GPHN: variants seen among roughly 807,000 people sequenced by gnomAD.
GPHN encodes the protein gephyrin.
GPHN carries 17 observed loss-of-function variants against 95.5 expected under a neutral mutation model. That is an observed-to-expected ratio of 0.18 (90% CI 0.12 to 0.27). GPHN has a LOEUF of 0.27. Ranked by LOEUF, GPHN falls within the 10% of genes least tolerant of loss-of-function variation. GPHN has a pLI of 1.00. For synonymous variants in GPHN, 320 were observed against 322.5 expected, an observed-to-expected ratio of 0.99 and a Z score of 0.08; for missense variants, 660 against 978.1, an observed-to-expected ratio of 0.67 and a Z score of 4.34.
the GPHN span, among the ~76,000 whole-genome samples, chr14:67,400,112 G>T: frequency 1.3e-5 from 2 of 152,202 alleles, no homozygotes; most frequent in Non-Finnish European, 2.9e-5. Flanking sequence ...AGAGCCAAAA[G>T]TTGTAGAAGG....
At chr14:66,844,681 C>A (rs537907807) in intron 4 of GPHN, among the ~76,000 whole-genome samples, 202 of 152,076 alleles carry the variant, frequency 1.3e-3, no homozygotes, top group Non-Finnish European at 2.3e-3. Context: ...AAAGGATGCT[C>A]TAGGGAAGTT....
At chr14:67,684,771 A>G in the GPHN span, 1 of 328,206 alleles carries the variant, frequency 3.0e-6, no homozygotes, top group Admixed American at 4.7e-5. Context: ...CTGGACTGAC[A>G]TAACAAAGAC....
At chr14:67,671,475 G>A in the GPHN span, among the ~76,000 whole-genome samples, 1 of 152,050 alleles carries the variant, frequency 6.6e-6, no homozygotes, top group Admixed American at 6.6e-5. Flanking sequence ...GCAGTGAGCT[G>A]AGATTGTACC....
chr14:67,166,662 T>TTTTGTTTG (rs113684530), intron 20 of GPHN, among the ~76,000 whole-genome samples: 3,739 of 152,140 alleles, frequency 0.025, 68 homozygotes, highest in Non-Finnish European at 0.036. Flanking sequence ...GTTTTGTGTT[T>TTTTGTTTG]TTTGTTTGTT....
At chr14:67,122,974 G>A (rs1567364832) in intron 17 of GPHN, among the ~76,000 whole-genome samples, 1 of 152,138 alleles carries the variant, frequency 6.6e-6, no homozygotes, top group Non-Finnish European at 1.5e-5. Flanking sequence ...TGAATCTCCA[G>A]TGCTGTCTCA....
chr14:67,319,831 G>A, the GPHN span, among the ~76,000 whole-genome samples: 12 of 152,270 alleles, frequency 7.9e-5, no homozygotes, highest in East Asian at 3.9e-4. Flanking sequence ...TGTATTCAGC[G>A]TATACATTAT....
intron 2 of GPHN, among the ~76,000 whole-genome samples, chr14:66,720,012 A>G (rs1046585898): frequency 1.3e-5 from 2 of 152,190 alleles, no homozygotes; most frequent in Non-Finnish European, 2.9e-5. Flanking sequence ...GCAGTAATCT[A>G]GAAGGTTATT....
At chr14:66,972,792 TGAG>T (rs1199974762) in intron 9 of GPHN, among the ~76,000 whole-genome samples, 2 of 152,086 alleles carry the variant, frequency 1.3e-5, no homozygotes, top group African/African-American at 2.4e-5. Context: ...ACTATGTCAT[TGAG>T]GACAGTATTT....
At chr14:66,704,100 A>G (rs2068833865) in intron 2 of GPHN, among the ~76,000 whole-genome samples, 1 of 152,218 alleles carries the variant, frequency 6.6e-6, no homozygotes, top group Non-Finnish European at 1.5e-5. Flanking sequence ...TAAAGGGACC[A>G]ATTCAACAAG....
At chr14:66,646,596 A>G (rs1238829752) in intron 1 of GPHN, among the ~76,000 whole-genome samples, 1 of 152,162 alleles carries the variant, frequency 6.6e-6, no homozygotes, top group Non-Finnish European at 1.5e-5. Flanking sequence ...ATATATCTTG[A>G]GGGCGTTATT....
intron 8 of GPHN, among the ~76,000 whole-genome samples, chr14:66,933,844 T>C (rs544414483): frequency 1.1e-4 from 16 of 152,164 alleles, no homozygotes; most frequent in Admixed American, 3.9e-4. Context: ...CCATAAAAAG[T>C]TCACAGTCTA....
At chr14:67,030,782 A>G (rs1266308869) in intron 10 of GPHN, among the ~76,000 whole-genome samples, 1 of 152,078 alleles carries the variant, frequency 6.6e-6, no homozygotes, top group African/African-American at 2.4e-5. Flanking sequence ...GACCTCATCT[A>G]TCTTGTTCCC....
the GPHN span, among the ~76,000 whole-genome samples, chr14:67,269,521 A>G: frequency 2.6e-5 from 4 of 152,150 alleles, no homozygotes; most frequent in Admixed American, 2.6e-4. Context: ...AAATTTTTAA[A>G]TTGATGTCCA....
the GPHN span, among the ~76,000 whole-genome samples, chr14:67,721,193 G>A: frequency 6.6e-6 from 1 of 152,168 alleles, no homozygotes; most frequent in African/African-American, 2.4e-5. Context: ...ACAGAACTGG[G>A]AAATTATTCC....
chr14:67,592,398 A>C, the GPHN span: 19 of 491,270 alleles, frequency 3.9e-5, 1 homozygote, highest in South Asian at 4.2e-4. Flanking sequence ...GGTGATTGTC[A>C]CTGCACTCCA....
At chr14:67,647,927 A>T in the GPHN span, 2 of 975,672 alleles carry the variant, frequency 2.0e-6, no homozygotes, top group Non-Finnish European at 3.0e-6. Flanking sequence ...CAGCTTTATT[A>T]ACAAAGTACT....
At chr14:66,642,203 A>G (rs2064452760) in intron 1 of GPHN, among the ~76,000 whole-genome samples, 1 of 152,172 alleles carries the variant, frequency 6.6e-6, no homozygotes, top group African/African-American at 2.4e-5. Context: ...GGTTACAGAC[A>G]ATTAAGATAG....
chr14:67,058,621 A>C, intron 10 of GPHN, 28 bp from the exon 11 acceptor site: 1 of 1,600,644 alleles, frequency 6.2e-7, no homozygotes, highest in Non-Finnish European at 8.6e-7. Flanking sequence ...ACAGCATCAT[A>C]TTCTTAGTTA....
chr14:66,711,076 G>T (rs112060431), intron 2 of GPHN, among the ~76,000 whole-genome samples: 77 of 152,128 alleles, frequency 5.1e-4, no homozygotes, highest in African/African-American at 1.6e-3. Flanking sequence ...GTTATTGGGG[G>T]TACAGGTGGT....
Sources: gnomAD v4.1 joint callset for allele counts (sites outside exome capture counted in the v4.1 genomes callset) on GRCh38, gnomAD v4.1.1 for gene constraint, MANE v1.5 for transcripts, NCBI Gene and HGNC (gene_info 2026-07-23, HGNC 2026-07-21) for gene names.